Variants in GFOD1 observed in about 807,000 individuals in gnomAD.
GFOD1 encodes glucose-fructose oxidoreductase domain-containing protein 1.
A neutral mutation model predicts 25.4 loss-of-function variants in GFOD1; 9 were observed. That is an observed-to-expected ratio of 0.35 (90% CI 0.21 to 0.62). The LOEUF is 0.62. GFOD1 is among the 20% of genes least tolerant of loss of function. GFOD1 has a pLI of 0.72. For synonymous variants in GFOD1, 253 were observed against 245.6 expected, an observed-to-expected ratio of 1.03 and a Z score of -0.28; for missense variants, 403 against 556.9, an observed-to-expected ratio of 0.72 and a Z score of 2.78.
chr6:13,470,512 C>T (rs1758477814), intron 1 of GFOD1: 4 of 1,549,734 alleles, frequency 2.6e-6, no homozygotes, highest in African/African-American at 1.4e-5. Flanking sequence ...GGGGGGTAAA[C>T]AAATGTCCCA....
At chr6:13,443,816 TAAAA>T (rs34976657) in intron 1 of GFOD1, among the ~76,000 whole-genome samples, 2 of 112,120 alleles carry the variant, frequency 1.8e-5, no homozygotes, top group South Asian at 6.4e-4. Context: ...GACTCAGTCT[TAAAA>T]AAAAAAAAAA....
chr6:13,446,118 T>C (rs1453347188), intron 1 of GFOD1, among the ~76,000 whole-genome samples: 1 of 152,234 alleles, frequency 6.6e-6, no homozygotes, highest in African/African-American at 2.4e-5. Context: ...TCTGTCCACT[T>C]TGCTAATAAT....
chr6:13,421,316 C>T (rs2127568308), intron 1 of GFOD1, among the ~76,000 whole-genome samples: 1 of 152,064 alleles, frequency 6.6e-6, no homozygotes. Flanking sequence ...GGCAAGACCC[C>T]ATCTCTATAA....
rs368758101 is a variant in GFOD1, at chr6:13,409,153, G to GAAAGAAAGAAAGAAAGAAA, written c.254-43492_254-43491insTTTCTTTCTTTCTTTCTTT. Among the ~76,000 whole-genome samples, 50 of 44,510 alleles carry GAAAGAAAGAAAGAAAGAAA rather than the reference G, an allele frequency of 1.1e-3. 6 individuals are homozygous for GAAAGAAAGAAAGAAAGAAA. Among genetic ancestry groups the GAAAGAAAGAAAGAAAGAAA allele is most frequent in the African/African-American group, 2.7e-3 (41 of 15,332 alleles). 29.2% of individuals were successfully genotyped at this position (44,510 alleles called of 152,430 possible). A position where few individuals can be genotyped will look rare whatever the true frequency, so the allele number is the denominator to read the frequency against. On this transcript the variant is annotated intron_variant, in intron 1 of 1. Transcript: ENST00000379287. ...AGAAAGAAAGAAAGAAAGAAAGAGAGGAAAGAAAGAAAGGAAAGAGAGAGA... is the reference window on the plus strand; with the variant it reads ...AGAAAGAAAGAAAGAAAGAAAGAGAGAAAGAAAGAAAGAAAGAAAGAAAGAAAGAAAGGAAAGAGAGAGA...
intron 1 of GFOD1, among the ~76,000 whole-genome samples, chr6:13,429,882 T>G (rs1202307734): frequency 6.6e-6 from 1 of 152,188 alleles, no homozygotes; most frequent in African/African-American, 2.4e-5. Flanking sequence ...TACACACACA[T>G]GCATGTATAG....
rs1784989723 is a variant in GFOD1, at chr6:13,363,940, T to C, written c.*803A>G. 1 of 152,224 alleles carries C rather than the reference T, an allele frequency of 6.6e-6. No homozygotes were observed. The highest frequency in any genetic ancestry group is 1.5e-5 in the Non-Finnish European group (1 of 68,046). The allele number at this position is 152,224 out of a possible 1,614,324, so 9.4% of individuals were successfully genotyped here. On this transcript the variant is annotated 3_prime_UTR_variant, in exon 2 of 2. Coordinates refer to ENST00000379287, the MANE Select transcript of GFOD1 (RefSeq NM_018988.4). ...GAAATAGTGTTATAAGGTGACTCCT[T>C]GCAGTTTTTTAATTGTTGACAAGTT...
At chr6:13,438,659 T>A (rs1388973990) in intron 1 of GFOD1, among the ~76,000 whole-genome samples, 2 of 152,126 alleles carry the variant, frequency 1.3e-5, no homozygotes, top group Non-Finnish European at 2.9e-5. Flanking sequence ...TCATCACCCA[T>A]CACCCTGTAA....
intron 1 of GFOD1, among the ~76,000 whole-genome samples, chr6:13,409,183 GAGAA>G (rs66743098): frequency 0.012 from 645 of 52,004 alleles, 68 homozygotes; most frequent in African/African-American, 0.026. Flanking sequence ...GAGAGAGAGA[GAGAA>G]AGAAAGAAAG....
intron 1 of GFOD1, among the ~76,000 whole-genome samples, chr6:13,432,483 C>T (rs186244705): frequency 4.6e-5 from 7 of 152,070 alleles, no homozygotes; most frequent in African/African-American, 1.4e-4. Flanking sequence ...GCTAGGATTA[C>T]GGTGTGAGCT....
chr6:13,417,608 TAC>T (rs1325530725), intron 1 of GFOD1, among the ~76,000 whole-genome samples: 1 of 152,206 alleles, frequency 6.6e-6, no homozygotes, highest in Non-Finnish European at 1.5e-5. Flanking sequence ...GTGCTGCTAG[TAC>T]AGTCGGTGTA....
chr6:13,476,227 C>T (rs749317819), intron 1 of GFOD1, among the ~76,000 whole-genome samples: 3 of 152,074 alleles, frequency 2.0e-5, no homozygotes, highest in Non-Finnish European at 4.4e-5. Context: ...AAACAAAATG[C>T]GGTATATCCA....
rs201398685 is a variant in GFOD1 at position 13,364,781 on chromosome 6, C to T, written c.1135G>A (p.Glu379Lys). 2.9e-5 allele frequency: 46 copies of T among 1,613,610 alleles called. No individual in the cohort carries two copies. The highest frequency in any genetic ancestry group is 3.9e-5 in the Non-Finnish European group (46 of 1,179,966). The change falls in exon 2 of 2, where the codon GAG (glutamate) becomes AAG (lysine). Residue 379 changes from glutamate to lysine, a missense_variant. Transcript: ENST00000379287. This position sits in a 1 kb window ranked among gnomAD's most constrained non-coding sequence, Gnocchi z 4.1. ...PELSPAYLIS[E>K]AMRRSRMSLY... ...GACATCCTGCTGCGGCGCATGGCCT[C>T]GCTGATCAGGTAGGCGGGGCTCAGC...
At chr6:13,403,411 C>A (rs543003467) in intron 1 of GFOD1, among the ~76,000 whole-genome samples, 2 of 152,298 alleles carry the variant, frequency 1.3e-5, no homozygotes, top group South Asian at 4.1e-4. Flanking sequence ...CAGGCGTGAG[C>A]CACCGTGCCC....
intron 1 of GFOD1, among the ~76,000 whole-genome samples, chr6:13,480,155 G>A (rs577096527): frequency 6.6e-6 from 1 of 152,304 alleles, no homozygotes; most frequent in East Asian, 1.9e-4. Context: ...CAGGTCCTCA[G>A]CTGATGACGC....
At chr6:13,391,114 A>G (rs1183757652) in intron 1 of GFOD1, among the ~76,000 whole-genome samples, 2 of 152,252 alleles carry the variant, frequency 1.3e-5, no homozygotes, top group Non-Finnish European at 2.9e-5. Context: ...AGGACACTTA[A>G]TTAAGATTTT....
At chr6:13,477,093 G>C (rs1480848997) in intron 1 of GFOD1, among the ~76,000 whole-genome samples, 1 of 152,112 alleles carries the variant, frequency 6.6e-6, no homozygotes, top group Non-Finnish European at 1.5e-5. Context: ...GAACTAACCA[G>C]AGCAGTTTCT....
chr6:13,442,252 T>C (rs115846692), intron 1 of GFOD1, among the ~76,000 whole-genome samples: 4,915 of 152,364 alleles, frequency 0.032, 231 homozygotes, highest in African/African-American at 0.11. Context: ...CCTCACTTTA[T>C]TGTGCTTTGC....
chr6:13,417,901 C>T (rs920498892), intron 1 of GFOD1, among the ~76,000 whole-genome samples: 2 of 152,140 alleles, frequency 1.3e-5, no homozygotes, highest in African/African-American at 4.8e-5. Flanking sequence ...ATGGAGAGCA[C>T]GTACACTCCT....
intron 1 of GFOD1, among the ~76,000 whole-genome samples, chr6:13,484,112 A>C (rs763377947): frequency 8.5e-5 from 13 of 152,118 alleles, no homozygotes; most frequent in South Asian, 4.1e-4. Context: ...ATTGATCTGA[A>C]GTTTCATTTC....
Sources: allele counts gnomAD v4.1 joint callset (sites outside exome capture counted in the v4.1 genomes callset), GRCh38; gene constraint gnomAD v4.1.1; non-coding constraint Gnocchi (gnomAD v3.1); transcripts MANE v1.5; gene names NCBI Gene and HGNC (gene_info 2026-07-23, HGNC 2026-07-21).